MALRD1: variants seen among roughly 807,000 people sequenced by gnomAD.
The protein encoded by MALRD1 is MAM and LDL-receptor class A domain-containing protein 1.
In MALRD1, 247 loss-of-function variants were observed where a neutral mutation model predicts 242.1. That is an observed-to-expected ratio of 1.02 (90% CI 0.92 to 1.13). MALRD1 has a LOEUF of 1.13. Ranked by LOEUF, MALRD1 falls within the 50% of genes most tolerant of loss-of-function variation. The pLI, the probability that MALRD1 is intolerant of heterozygous loss-of-function variation, is 0.00. For missense variants in MALRD1, 2,989 were observed against 2,533.1 expected (o/e 1.18, Z -3.86); for synonymous variants, 995 against 866.6 (o/e 1.15, Z -2.60).
chr10:19,082,885 A>G (rs67443994), intron 2 of MALRD1, among the ~76,000 whole-genome samples: 10,561 of 152,082 alleles, frequency 0.069, 559 homozygotes, highest in East Asian at 0.27. Context: ...ATTATAAACA[A>G]TGGAAATTTA....
chr10:19,732,052 C>T (rs754889179), intron 39 of MALRD1, among the ~76,000 whole-genome samples: 3 of 151,730 alleles, frequency 2.0e-5, no homozygotes, highest in East Asian at 1.9e-4. Flanking sequence ...GGAATGAAAA[C>T]GGGAAGTAAA....
intron 28 of MALRD1, among the ~76,000 whole-genome samples, chr10:19,425,335 TC>T (rs1833864756): frequency 6.6e-6 from 1 of 152,174 alleles, no homozygotes; most frequent in African/African-American, 2.4e-5. Flanking sequence ...CCTTTATTCA[TC>T]ATCAGTGAGT....
chr10:19,663,047 G>A (rs1358502741), intron 36 of MALRD1, among the ~76,000 whole-genome samples: 1 of 152,002 alleles, frequency 6.6e-6, no homozygotes, highest in Non-Finnish European at 1.5e-5. Flanking sequence ...TATAGATTTA[G>A]GGAGTACAAG....
intron 5 of MALRD1, among the ~76,000 whole-genome samples, chr10:19,105,688 A>G (rs927047007): frequency 1.5e-4 from 23 of 151,992 alleles, no homozygotes; most frequent in African/African-American, 5.3e-4. Context: ...CCGAACCAGC[A>G]TTTATTAACT....
rs573641682 is a variant in MALRD1, at chr10:19,595,353, G to T, written c.5840G>T (p.Cys1947Phe). The part of the protein sequence containing the change: ...DCPLSPTPPL[C>F]SNMEFPCSTD... ...CCTCTCAGCCCCACCCCTCCACTCT[G>T]TAGTAACATGGAGTTCCCGTGCTCT... is the stretch of plus-strand genomic sequence containing the variant. Residue 1947 changes from cysteine to phenylalanine, a missense_variant, in exon 34 of 40, where the codon TGT (cysteine) becomes TTT (phenylalanine). Physicochemically the swap from Cys to Phe is radical, Grantham distance 205. Coordinates refer to ENST00000454679, the MANE Select transcript of MALRD1 (RefSeq NM_001142308.3). 1.3e-6 allele frequency: 2 copies of T among 1,550,620 alleles called. No homozygotes were observed. The highest frequency in any genetic ancestry group is 2.7e-5 in the African/African-American group (2 of 73,082).
At chr10:19,548,224 C>T (rs1835328342) in intron 32 of MALRD1, among the ~76,000 whole-genome samples, 1 of 151,766 alleles carries the variant, frequency 6.6e-6, no homozygotes, top group Non-Finnish European at 1.5e-5. Context: ...ATCTCGAACT[C>T]CTGACCTCAG....
chr10:19,637,723 A>G (rs185829823), intron 36 of MALRD1, among the ~76,000 whole-genome samples: 85 of 152,326 alleles, frequency 5.6e-4, no homozygotes, highest in African/African-American at 2.0e-3. Context: ...GTGAAAGTAC[A>G]TGTAGTTCCC....
rs148895967 is a variant in MALRD1, at chr10:19,207,386, C to T, written c.2579-1882C>T. Among the ~76,000 whole-genome samples, 736 of 152,276 alleles carry T rather than the reference C, an allele frequency of 4.8e-3. 1 individual carries two copies. The highest frequency in any genetic ancestry group is 7.4e-3 in the Non-Finnish European group (500 of 68,016). On this transcript the variant is annotated intron_variant, in intron 17 of 39. Transcript: ENST00000454679. Reference sequence around the variant, plus strand: ...AATTATTGACTATGGTAGGCTTCCCCCTTACCTGGGGGCTTCAGAGATCAC... The same window carrying T: ...AATTATTGACTATGGTAGGCTTCCCTCTTACCTGGGGGCTTCAGAGATCAC...
chr10:19,102,782 A>G (rs374398491), intron 4 of MALRD1, among the ~76,000 whole-genome samples: 45 of 152,248 alleles, frequency 3.0e-4, no homozygotes, highest in African/African-American at 1.0e-3. Flanking sequence ...TCTCAGATCA[A>G]TCATACCAGA....
intron 18 of MALRD1, among the ~76,000 whole-genome samples, chr10:19,252,529 A>G (rs547874426): frequency 2.5e-4 from 38 of 152,202 alleles, no homozygotes; most frequent in African/African-American, 8.4e-4. Context: ...AAATTTTGTT[A>G]TGATTTTGTT....
chr10:19,455,975 G>T (rs376059803), intron 29 of MALRD1, among the ~76,000 whole-genome samples: 1 of 152,060 alleles, frequency 6.6e-6, no homozygotes, highest in Non-Finnish European at 1.5e-5. Flanking sequence ...TCTGTGAACT[G>T]CTCAGAGACA....
Position 19,347,842 on chromosome 10 carries a change from G to T in MALRD1, c.3973G>T (p.Asp1325Tyr). Reference protein sequence around the residue: ...SWKQEKDEDFDWNLKASSIPA... With the variant: ...SWKQEKDEDFYWNLKASSIPA... ...GAAGCAGGAGAAAGATGAGGACTTT[G>T]ACTGGAACCTGAAAGCTAGCAGCAT... is the stretch of plus-strand genomic sequence containing the variant. The change falls in exon 25 of 40, where the codon GAC becomes TAC. Residue 1325 changes from aspartate (D) to tyrosine (Y), a missense_variant. Asp to Tyr is a radical substitution (Grantham distance 160, BLOSUM62 -3). Coordinates refer to ENST00000454679, the MANE Select transcript of MALRD1 (RefSeq NM_001142308.3). The T allele has an allele frequency of 6.4e-7, 1 of 1,550,416 alleles. No individual in the cohort carries two copies. Among genetic ancestry groups the T allele is most frequent in the South Asian group, 1.2e-5 (1 of 84,024 alleles).
At chr10:19,069,724 CTAGT>C (rs368392692) in intron 2 of MALRD1, among the ~76,000 whole-genome samples, 185 of 150,208 alleles carry the variant, frequency 1.2e-3, no homozygotes, top group African/African-American at 4.1e-3. Context: ...CTGTCTTCAC[CTAGT>C]TTCTACTGTG....
intron 28 of MALRD1, among the ~76,000 whole-genome samples, chr10:19,412,183 C>T (rs758747148): frequency 2.1e-4 from 32 of 152,106 alleles, no homozygotes; most frequent in Non-Finnish European, 3.2e-4. Context: ...CCCAGCTACT[C>T]GGGAGGCTGA....
At chr10:19,332,686 A>G (rs938332075) in intron 24 of MALRD1, among the ~76,000 whole-genome samples, 2 of 152,166 alleles carry the variant, frequency 1.3e-5, no homozygotes, top group African/African-American at 4.8e-5. Context: ...GAGCTTACAT[A>G]TATATAGAAC....
intron 33 of MALRD1, among the ~76,000 whole-genome samples, chr10:19,580,704 A>T (rs7080370): frequency 0.6 from 91,544 of 152,062 alleles, 28,684 homozygotes; most frequent in African/African-American, 0.8. Flanking sequence ...GCTGCAGTTA[A>T]TCACTTTGAA....
At chr10:19,619,209 T>C (rs1172920297) in intron 36 of MALRD1, among the ~76,000 whole-genome samples, 1 of 152,032 alleles carries the variant, frequency 6.6e-6, no homozygotes, top group East Asian at 1.9e-4. Flanking sequence ...TTTGTTAACC[T>C]ATTTGCCCAG....
In MALRD1 at chr10:19,489,771, T is replaced by C. The variant is rs74317226; in HGVS notation, c.5030-1746T>C. ...GTCACAATCTTGCATCTAACGTCTT[T>C]AGCATTTTAAATTACTTCTATTCCC... On this transcript the variant is annotated intron_variant, in intron 29 of 39. Transcript: ENST00000454679. Among the ~76,000 whole-genome samples, 32 of 152,308 alleles carry C rather than the reference T, an allele frequency of 2.1e-4. No individual in the cohort carries two copies. In the East Asian group the frequency reaches 5.8e-3, roughly 28 times the overall value.
rs761907791 is a variant in MALRD1 at position 19,607,777 on chromosome 10, C to G, written c.5945C>G (p.Ser1982Cys). The G allele has an allele frequency of 9.1e-6, 14 of 1,538,630 alleles. No individual in the cohort carries two copies. The African/African-American group carries it at 1.9e-4, about 21-fold the overall frequency. Residue 1982 changes from serine to cysteine, a missense_variant and splice_region_variant, in exon 35 of 40, where the codon TCC (serine) becomes TGC (cysteine). Coordinates refer to ENST00000454679, the MANE Select transcript of MALRD1 (RefSeq NM_001142308.3). The stretch of plus-strand genomic sequence containing the variant: ...GATCATTATTCTTTTTTTTTTGCAG[C>G]CAACAAAAGCTGTTCTAATGGAGCT... ...CHFNEDELIC[S>C]NKSCSNGALV...
Sources: gnomAD v4.1 joint callset for allele counts (sites outside exome capture counted in the v4.1 genomes callset) on GRCh38, gnomAD v4.1.1 for gene constraint, MANE v1.5 for transcripts, NCBI Gene and HGNC (gene_info 2026-07-23, HGNC 2026-07-21) for gene names.